Variants in AGPS observed in about 807,000 individuals in gnomAD.
The protein encoded by AGPS is alkyldihydroxyacetonephosphate synthase, peroxisomal.
Under a neutral mutation model 90.7 loss-of-function variants are expected in AGPS, and 26 were observed. The observed-to-expected ratio is 0.29, with a 90% CI of 0.21 to 0.40. AGPS has a LOEUF of 0.40. Among genes scored for constraint, AGPS ranks in the 10% least tolerant of loss-of-function variants. The probability of loss-of-function intolerance (pLI) is 1.00; values close to 1 mark genes in which losing one functional copy is unlikely to be tolerated. For synonymous variants in AGPS, 294 were observed against 285.3 expected, an observed-to-expected ratio of 1.03 and a Z score of -0.31; for missense variants, 540 against 816.1, an observed-to-expected ratio of 0.66 and a Z score of 4.12.
At chr2:177,484,041 C>A (rs1573999631) in intron 11 of AGPS, among the ~76,000 whole-genome samples, 2 of 148,482 alleles carry the variant, frequency 1.3e-5, no homozygotes, top group Admixed American at 6.7e-5. Flanking sequence ...ACCAGAAGTT[C>A]ACTAATTGAA....
chr2:177,458,999 G>A (rs1243887937), intron 8 of AGPS, among the ~76,000 whole-genome samples: 4 of 152,048 alleles, frequency 2.6e-5, no homozygotes, highest in Admixed American at 6.6e-5. Flanking sequence ...GGAAAAGAAC[G>A]GAGGCCTCAG....
intron 8 of AGPS, among the ~76,000 whole-genome samples, chr2:177,449,924 G>A (rs1446176616): frequency 1.3e-5 from 2 of 149,174 alleles, no homozygotes; most frequent in South Asian, 2.1e-4. Context: ...TGCAAGCTCC[G>A]CCTCCCGGGT....
At position 177,468,407 on chromosome 2, in the gene AGPS, A is replaced by G. The variant is rs761812245; in HGVS notation, c.997-9A>G. On this transcript the variant is annotated splice_polypyrimidine_tract_variant and intron_variant, in intron 9 of 19. Transcript: ENST00000264167. ...GTCTAGAATTTACATCGTGTATTGTATTAAACAGGTGGTTCATATAAAAAT... is the reference window on the plus strand; with the variant it reads ...GTCTAGAATTTACATCGTGTATTGTGTTAAACAGGTGGTTCATATAAAAAT... 10 of 1,534,854 alleles carry G rather than the reference A, an allele frequency of 6.5e-6. No homozygotes were observed. In the South Asian group the frequency reaches 7.8e-5, roughly 12 times the overall value.
chr2:177,441,924 G>T (rs1686615379), intron 6 of AGPS, among the ~76,000 whole-genome samples: 1 of 152,084 alleles, frequency 6.6e-6, no homozygotes, highest in African/African-American at 2.4e-5. Flanking sequence ...GACATTTTAA[G>T]CTTGTTTCTA....
Position 177,508,040 on chromosome 2 carries a change from T to C in AGPS, c.1607+9T>C, listed in dbSNP as rs1234933685. 1.3e-6 allele frequency: 2 copies of C among 1,596,258 alleles called. No individual in the cohort carries two copies. Among genetic ancestry groups the C allele is most frequent in the Non-Finnish European group, 1.7e-6 (2 of 1,164,040 alleles). On this transcript the variant is annotated intron_variant, in intron 16 of 19. Transcript: ENST00000264167. ...TCTGCTCCTTGGGACAGGTAAAATA[T>C]ACTAAAGTGCCTGATATTATTCAAA... is the stretch of plus-strand genomic sequence containing the variant.
intron 17 of AGPS, among the ~76,000 whole-genome samples, chr2:177,514,138 C>G (rs533797619): frequency 6.6e-6 from 1 of 152,182 alleles, no homozygotes; most frequent in Admixed American, 6.5e-5. Flanking sequence ...TCCCTGCCAT[C>G]TGGGTGGCAT....
At chr2:177,462,938 A>T (rs938611548) in intron 9 of AGPS, among the ~76,000 whole-genome samples, 1 of 152,202 alleles carries the variant, frequency 6.6e-6, no homozygotes, top group Admixed American at 6.5e-5. Flanking sequence ...CCTCGTGGAA[A>T]TGAAGTCTTC....
intron 16 of AGPS, among the ~76,000 whole-genome samples, chr2:177,512,528 T>A (rs1688905017): frequency 6.6e-6 from 1 of 152,208 alleles, no homozygotes; most frequent in South Asian, 2.1e-4. Flanking sequence ...TAAAGTATGA[T>A]CTGTTTAAAT....
chr2:177,445,632 T>G lies in AGPS; in HGVS notation c.870+6T>G, dbSNP rs1029966037. The G allele has an allele frequency of 1.9e-6, 3 of 1,562,244 alleles. No individual in the cohort carries two copies. The African/African-American group carries it at 4.1e-5, about 22-fold the overall frequency. ...GACAAGAGTTGGAAAGACAGGTATG[T>G]TATTTATTTTTCTTATTTTTTTAAA... On this transcript the variant is annotated splice_donor_region_variant and intron_variant, in intron 8 of 19. Transcript: ENST00000264167.
intron 19 of AGPS, among the ~76,000 whole-genome samples, chr2:177,527,376 C>T (rs888763562): frequency 1.3e-5 from 2 of 151,968 alleles, no homozygotes; most frequent in African/African-American, 4.8e-5. Flanking sequence ...TGCAGTGAGC[C>T]ATGATCACAT....
At chr2:177,413,577 G>A (rs771066548) in intron 1 of AGPS, among the ~76,000 whole-genome samples, 1 of 152,220 alleles carries the variant, frequency 6.6e-6, no homozygotes, top group African/African-American at 2.4e-5. Flanking sequence ...AGTGGACAAT[G>A]AAGGGAAAAA....
At chr2:177,454,519 A>T (rs1687054380) in intron 8 of AGPS, among the ~76,000 whole-genome samples, 1 of 151,436 alleles carries the variant, frequency 6.6e-6, no homozygotes, top group African/African-American at 2.4e-5. Flanking sequence ...GGTTTTGATT[A>T]TTCACCCCAT....
intron 15 of AGPS, among the ~76,000 whole-genome samples, chr2:177,507,235 T>G (rs1194776409): frequency 6.6e-6 from 1 of 152,146 alleles, no homozygotes; most frequent in Non-Finnish European, 1.5e-5. Flanking sequence ...TTACTTGAAG[T>G]GAAAACTTAA....
At chr2:177,511,441 A>C (rs1177847160) in intron 16 of AGPS, among the ~76,000 whole-genome samples, 1 of 152,092 alleles carries the variant, frequency 6.6e-6, no homozygotes, top group Non-Finnish European at 1.5e-5. Context: ...TCTGATTAAA[A>C]CCAAGAAAGT....
At chr2:177,458,560 A>C (rs1186222297) in intron 8 of AGPS, among the ~76,000 whole-genome samples, 3 of 152,170 alleles carry the variant, frequency 2.0e-5, no homozygotes, top group Non-Finnish European at 4.4e-5. Flanking sequence ...ATCATGAGTG[A>C]ACTCCTATTC....
rs1345248171 is a variant in AGPS, at chr2:177,392,930, C to A, written c.141C>A (p.Gly47=). ...GGGTTCTCTCTGGCCATCTGCTGGG[C>A]CGGCCCCGGGAGGCTCTGAGTACCA... ...RLRVLSGHLL[G]RPREALSTNE... is the part of the protein sequence containing the mutation. Residue 47 remains glycine, a synonymous_variant, in exon 1 of 20, where the codon GGC becomes GGA. Coordinates refer to ENST00000264167, the MANE Select transcript of AGPS (RefSeq NM_003659.4). 3.2e-6 allele frequency: 5 copies of A among 1,550,024 alleles called. No individual in the cohort carries two copies. Among genetic ancestry groups the A allele is most frequent in the Admixed American group, 2.0e-5 (1 of 50,982 alleles).
intron 8 of AGPS, among the ~76,000 whole-genome samples, chr2:177,447,783 GA>G (rs957058814): frequency 5.9e-5 from 9 of 151,884 alleles, no homozygotes; most frequent in Non-Finnish European, 1.3e-4. Flanking sequence ...CAGCTATTTT[GA>G]TCCCAGTAAA....
At chr2:177,515,292 G>A (rs1180125020) in intron 17 of AGPS, among the ~76,000 whole-genome samples, 2 of 151,890 alleles carry the variant, frequency 1.3e-5, no homozygotes, top group East Asian at 3.9e-4. Context: ...CAGTCTTTTA[G>A]CAGTCAGCTC....
At chr2:177,505,648 G>A (rs1688687670) in intron 15 of AGPS, 73 bp downstream of exon 15, 1 of 1,324,614 alleles carries the variant, frequency 7.5e-7, no homozygotes, top group Non-Finnish European at 1.1e-6. Context: ...TTAAGTGAAT[G>A]CAATTGTCTT....
Sources: allele counts gnomAD v4.1 joint callset (sites outside exome capture counted in the v4.1 genomes callset), GRCh38; gene constraint gnomAD v4.1.1; transcripts MANE v1.5; gene names NCBI Gene and HGNC (gene_info 2026-07-23, HGNC 2026-07-21).